Variants in CDYL observed in about 807,000 individuals in gnomAD.
The protein encoded by CDYL is chromodomain Y-like protein.
CDYL carries 8 observed loss-of-function variants against 47.3 expected under a neutral mutation model. That is an observed-to-expected ratio of 0.17 (90% CI 0.10 to 0.31). The LOEUF (loss-of-function observed/expected upper bound fraction) is 0.31. Ranked by LOEUF, CDYL falls within the 10% of genes least tolerant of loss-of-function variation. The pLI is 1.00. For synonymous variants in CDYL, 266 were observed against 265.0 expected (o/e 1.00, Z -0.04); for missense variants, 471 against 701.4 (o/e 0.67, Z 3.71).
chr6:4,922,333 C>T (rs1363916339), intron 2 of CDYL, among the ~76,000 whole-genome samples: 1 of 152,158 alleles, frequency 6.6e-6, no homozygotes, highest in Non-Finnish European at 1.5e-5. Flanking sequence ...TCCCCTCTTG[C>T]TTTTGGTGAA....
rs1758232841 is a variant in CDYL, at chr6:4,937,491, C to CT, written c.949-73dup. On this transcript the variant is annotated intron_variant, in intron 3 of 6. Transcript: ENST00000397588. ...AACCTGAGCAACAGAGTGAGACTCT[C>CT]TCCAAAAAAAAAAATGCTTTAAGAT... The CT allele has an allele frequency of 9.0e-6, 11 of 1,215,704 alleles. No individual in the cohort carries two copies. In the African/African-American group the frequency reaches 1.9e-4, roughly 21 times the overall value. 75.3% of individuals were successfully genotyped at this position (1,215,704 alleles called of 1,614,324 possible).
At chr6:4,866,336 CA>C (rs1561677690) in intron 1 of CDYL, among the ~76,000 whole-genome samples, 2 of 151,888 alleles carry the variant, frequency 1.3e-5, no homozygotes, top group African/African-American at 4.8e-5. Flanking sequence ...GATACAAGTG[CA>C]AAAGTGGTTA....
intron 1 of CDYL, among the ~76,000 whole-genome samples, chr6:4,713,711 C>G (rs1235981899): frequency 6.6e-6 from 1 of 152,072 alleles, no homozygotes; most frequent in South Asian, 2.1e-4. Context: ...TCTCAGCCCC[C>G]CAAGTAGCTG....
chr6:4,758,628 A>ACTCCAGT (rs1419161890), intron 3 of CDYL, among the ~76,000 whole-genome samples: 76 of 152,030 alleles, frequency 5.0e-4, no homozygotes, highest in Non-Finnish European at 9.0e-4. Context: ...ATGCCACTGC[A>ACTCCAGT]CTCCAGTCTG....
chr6:4,858,686 C>G (rs191752750), intron 1 of CDYL, among the ~76,000 whole-genome samples: 210 of 152,334 alleles, frequency 1.4e-3, no homozygotes, highest in Admixed American at 2.8e-3. Context: ...TATGTACAGA[C>G]TTGCAATTTA....
intron 1 of CDYL, among the ~76,000 whole-genome samples, chr6:4,791,233 C>G (rs1030969274): frequency 3.9e-5 from 6 of 152,170 alleles, no homozygotes; most frequent in African/African-American, 1.4e-4. Flanking sequence ...TCCATAGGCT[C>G]AGAGAGATGT....
intron 1 of CDYL, among the ~76,000 whole-genome samples, chr6:4,816,836 T>C (rs1052046608): frequency 1.2e-4 from 18 of 152,118 alleles, no homozygotes; most frequent in Non-Finnish European, 2.2e-4. Flanking sequence ...ATTGCATGAC[T>C]GTAGTGGGGA....
At chr6:4,837,388 T>TA (rs1223777793) in intron 1 of CDYL, among the ~76,000 whole-genome samples, 1 of 151,962 alleles carries the variant, frequency 6.6e-6, no homozygotes, top group Non-Finnish European at 1.5e-5. Context: ...AATTATGAAG[T>TA]AAACGTCAGT....
rs540360373 is a variant in CDYL at position 4,743,999 on chromosome 6, GATGTA to G, written c.186+9156_186+9160del. ...TTTCTCAAGTTGGAACAGGATTTAA[GATGTA>G]GTTTCTCATAAGGAGGGATCCAAAG... On this transcript the variant is annotated intron_variant, in intron 3 of 8. Coordinates refer to the CDYL transcript ENST00000328908. 5.1e-4 allele frequency among the ~76,000 whole-genome samples: 77 copies of G among 152,052 alleles called. 1 individual carries two copies. The South Asian group carries it at 0.015, about 30-fold the overall frequency.
At chr6:4,758,368 A>ATATATATATATATATATATATATATC (rs1400799578) in intron 3 of CDYL, among the ~76,000 whole-genome samples, 7 of 144,502 alleles carry the variant, frequency 4.8e-5, no homozygotes, top group African/African-American at 1.8e-4. Context: ...ATATATATAT[A>ATATATATATATATATATATATATATC]TATCTCTTTG....
At chr6:4,894,158 G>T (rs1762129797) in intron 2 of CDYL, among the ~76,000 whole-genome samples, 1 of 152,204 alleles carries the variant, frequency 6.6e-6, no homozygotes, top group African/African-American at 2.4e-5. Flanking sequence ...GCTCTATTTT[G>T]CAGTTAGGGA....
At chr6:4,822,389 G>T (rs780270604) in intron 1 of CDYL, among the ~76,000 whole-genome samples, 1 of 150,572 alleles carries the variant, frequency 6.6e-6, no homozygotes. Flanking sequence ...AATATAAAAA[G>T]CATTAACAAA....
chr6:4,830,817 T>C (rs1760118233), intron 1 of CDYL, among the ~76,000 whole-genome samples: 1 of 141,044 alleles, frequency 7.1e-6, no homozygotes, highest in South Asian at 2.2e-4. Flanking sequence ...TGTGTTTTCA[T>C]TGTTCAATTC....
chr6:4,833,438 T>G (rs1476032641), intron 1 of CDYL, among the ~76,000 whole-genome samples: 1 of 151,874 alleles, frequency 6.6e-6, no homozygotes, highest in Non-Finnish European at 1.5e-5. Flanking sequence ...GTCTGAGAGA[T>G]AGTTTGTTAC....
chr6:4,726,680 G>A (rs1478803151), intron 2 of CDYL, among the ~76,000 whole-genome samples: 1 of 151,012 alleles, frequency 6.6e-6, no homozygotes, highest in Non-Finnish European at 1.5e-5. Flanking sequence ...CAGCCTGGGT[G>A]AGAGAGTGAG....
intron 2 of CDYL, among the ~76,000 whole-genome samples, chr6:4,730,817 T>C (rs1307455402): frequency 2.6e-5 from 4 of 152,174 alleles, no homozygotes; most frequent in Non-Finnish European, 5.9e-5. Context: ...CATAGCTCTT[T>C]ACACAGTTGC....
At chr6:4,808,806 A>G (rs1266153220) in intron 1 of CDYL, among the ~76,000 whole-genome samples, 2 of 152,116 alleles carry the variant, frequency 1.3e-5, no homozygotes, top group African/African-American at 4.8e-5. Flanking sequence ...GTTTTCCAAG[A>G]TTGCTTTTTC....
At chr6:4,890,494 A>G (rs1184318852) in intron 1 of CDYL, among the ~76,000 whole-genome samples, 1 of 152,156 alleles carries the variant, frequency 6.6e-6, no homozygotes, top group East Asian at 1.9e-4. Context: ...AATAATATGT[A>G]TTTAATTTTA....
chr6:4,741,993 A>G (rs903255261), intron 3 of CDYL, among the ~76,000 whole-genome samples: 3 of 152,176 alleles, frequency 2.0e-5, no homozygotes, highest in Admixed American at 6.6e-5. Flanking sequence ...AAAAAATGTT[A>G]TCTACATTTA....
Sources: gnomAD v4.1 joint callset for allele counts (sites outside exome capture counted in the v4.1 genomes callset) on GRCh38, gnomAD v4.1.1 for gene constraint, MANE v1.5 for transcripts, NCBI Gene and HGNC (gene_info 2026-07-23, HGNC 2026-07-21) for gene names.